Variants in COL1A2 observed in about 807,000 individuals in gnomAD.
COL1A2 encodes the protein collagen type I alpha 2 chain.
COL1A2 carries 49 observed loss-of-function variants against 174.3 expected under a neutral mutation model. That is an observed-to-expected ratio of 0.28 (90% CI 0.22 to 0.36). The LOEUF (loss-of-function observed/expected upper bound fraction) is 0.36, where lower values mean the gene tolerates loss of function less well. COL1A2 is among the 10% of genes least tolerant of loss of function. The pLI is 1.00. For missense variants in COL1A2, 1,438 were observed against 1,822.7 expected (o/e 0.79, Z 3.84); for synonymous variants, 655 against 606.6 (o/e 1.08, Z -1.17).
chr7:94,414,085 A>G lies in COL1A2; in HGVS notation c.1666-137A>G, dbSNP rs191971288. The G allele has an allele frequency of 1.6e-5, 22 of 1,333,592 alleles. No homozygotes were observed. In the African/African-American group the frequency reaches 3.2e-4, roughly 19 times the overall value. 82.6% of individuals were successfully genotyped at this position (1,333,592 alleles called of 1,614,324 possible). ...AAAGAAAGGTGCATTTTTTTCAAAC[A>G]AACTTTTGTGTAATGCTTAATAACA... is the stretch of plus-strand genomic sequence containing the variant. On this transcript the variant is annotated intron_variant, in intron 28 of 51. Transcript: ENST00000297268.
In COL1A2 at chr7:94,430,806, A is replaced by G. The variant is rs771498875; in HGVS notation, c.*413A>G. ...ACACTTTCCCATGAGTGTGATCCAC[A>G]TTGTTAGGTGCTGACCTAGACAGAG... On this transcript the variant is annotated 3_prime_UTR_variant, in exon 52 of 52. Coordinates refer to ENST00000297268, the MANE Select transcript of COL1A2 (RefSeq NM_000089.4). 1 of 228,192 alleles carries G rather than the reference A, an allele frequency of 4.4e-6. No homozygotes were observed. Among genetic ancestry groups the G allele is most frequent in the Non-Finnish European group, 8.7e-6 (1 of 115,236 alleles). 14.1% of individuals were successfully genotyped at this position (228,192 alleles called of 1,614,324 possible).
intron 15 of COL1A2, 104 bp downstream of exon 15, chr7:94,408,484 C>T: frequency 7.3e-7 from 1 of 1,363,516 alleles, no homozygotes; most frequent in South Asian, 1.2e-5. Context: ...GACACTTTAC[C>T]AAATGTTCTG....
intron 1 of COL1A2, chr7:94,395,354 C>T (rs1488638757): frequency 9.2e-6 from 5 of 544,942 alleles, no homozygotes; most frequent in African/African-American, 3.8e-5. Flanking sequence ...CGGTCTGGCT[C>T]CTCAGCTTAG....
chr7:94,406,040 C>T (rs1404556561), intron 11 of COL1A2, among the ~76,000 whole-genome samples: 1 of 152,156 alleles, frequency 6.6e-6, no homozygotes, highest in Admixed American at 6.5e-5. Flanking sequence ...AACACCTAGT[C>T]CTCCATCCTT....
In COL1A2 at chr7:94,429,365, G is replaced by A; in HGVS notation, c.3889G>A (p.Asp1297Asn). 1.9e-6 allele frequency: 3 copies of A among 1,614,010 alleles called. No homozygotes were observed. The highest frequency in any genetic ancestry group is 2.5e-6 in the Non-Finnish European group (3 of 1,179,946). ...KKAVILQGSN[D>N]VELVAEGNSR... ...GGCTGTCATTCTACAGGGCTCTAATGATGTTGAACTTGTTGCTGAGGGCAA... is the reference window on the plus strand; with the variant it reads ...GGCTGTCATTCTACAGGGCTCTAATAATGTTGAACTTGTTGCTGAGGGCAA... Residue 1297 changes from aspartate to asparagine, a missense_variant, in exon 51 of 52, where the codon GAT becomes AAT. Transcript: ENST00000297268.
chr7:94,423,317 G>A, intron 40 of COL1A2, 199 bp downstream of exon 40: 1 of 622,812 alleles, frequency 1.6e-6, no homozygotes, highest in Non-Finnish European at 2.8e-6. Flanking sequence ...AAATCGGGAA[G>A]ACAATAAATG....
intron 2 of COL1A2, 54 bp downstream of exon 2, chr7:94,397,812 A>C (rs1233265138): frequency 2.9e-6 from 3 of 1,029,656 alleles, no homozygotes; most frequent in Admixed American, 3.9e-5. Context: ...CCTTGGCTAC[A>C]GTGATGTCTT....
At chr7:94,408,637 T>C in intron 15 of COL1A2, 133 bp from the exon 16 acceptor site, 1 of 1,029,830 alleles carries the variant, frequency 9.7e-7, no homozygotes, top group Non-Finnish European at 1.5e-6. Context: ...GACAACAGAC[T>C]GGTTGTCAGT....
chr7:94,429,452 G>T (rs1792355563), intron 51 of COL1A2, 22 bp downstream of exon 51: 1 of 1,613,090 alleles, frequency 6.2e-7, no homozygotes. Context: ...TGAAATATGG[G>T]AATAGCTTTG....
intron 13 of COL1A2, 92 bp from the exon 14 acceptor site, chr7:94,408,091 T>C: frequency 7.2e-7 from 1 of 1,387,668 alleles, no homozygotes; most frequent in South Asian, 1.2e-5. Context: ...AGTGTATTCT[T>C]GTACAGGTTG....
intron 50 of COL1A2, 79 bp from the exon 51 acceptor site, chr7:94,429,109 T>C (rs116969444): frequency 0.015 from 5,991 of 387,504 alleles, 85 homozygotes; most frequent in East Asian, 0.027. Context: ...TTTTTTTTTC[T>C]TTTTTTTTTT....
Position 94,427,650 on chromosome 7 carries a change from T to C in COL1A2, c.3291T>C (p.Pro1097=). The change falls in exon 49 of 52, where the codon CCT becomes CCC. Residue 1097 remains proline, a synonymous_variant. Transcript: ENST00000297268. ...AGGGCCCCCCTGGTCCCCCTGGCCC[T>C]CCTGGACCTCCAGGTGTAAGCGGTG... ...GPAGPPGPPG[P]PGPPGVSGGG... is the part of the protein sequence containing the mutation. 6.2e-7 allele frequency: 1 copy of C among 1,614,150 alleles called. No individual in the cohort carries two copies. The highest frequency in any genetic ancestry group is 8.5e-7 in the Non-Finnish European group (1 of 1,180,024).
At chr7:94,399,696 T>G (rs896367934) in intron 4 of COL1A2, among the ~76,000 whole-genome samples, 1 of 152,234 alleles carries the variant, frequency 6.6e-6, no homozygotes, top group African/African-American at 2.4e-5. Context: ...TTAAATCAGT[T>G]AATTATTTTA....
chr7:94,427,223 T>C lies in COL1A2; in HGVS notation c.3195T>C (p.Asp1065=), dbSNP rs765992994. The stretch of plus-strand genomic sequence containing the variant: ...GTCCTTCTGGCCCTGCTGGAAAAGA[T>C]GGTCGCACTGGACATCCTGGTACAG... ...PAGPSGPAGK[D]GRTGHPGTVG... Residue 1065 remains aspartate (D), a synonymous_variant, in exon 48 of 52, where the codon GAT becomes GAC. Coordinates refer to ENST00000297268, the MANE Select transcript of COL1A2 (RefSeq NM_000089.4). 3.7e-6 allele frequency: 6 copies of C among 1,613,810 alleles called. No individual in the cohort carries two copies. The African/African-American group carries it at 4.0e-5, about 11-fold the overall frequency.
intron 45 of COL1A2, 51 bp from the exon 46 acceptor site, chr7:94,426,372 T>C: frequency 6.8e-7 from 1 of 1,471,800 alleles, no homozygotes; most frequent in Non-Finnish European, 9.3e-7. Flanking sequence ...GTGAAGTGAG[T>C]GCCATTTTTT....
rs1562906019 is a variant in COL1A2 at position 94,422,980 on chromosome 7, C to T, written c.2427C>T (p.Pro809=). 1.1e-5 allele frequency: 17 copies of T among 1,614,084 alleles called. No homozygotes were observed. Among genetic ancestry groups the T allele is most frequent in the Non-Finnish European group, 1.4e-5 (16 of 1,179,990 alleles). ...AGGGTATTTCTGGCCCTCCTGGTCC[C>T]CCTGGTCCTGCTGGGAAAGAAGGGC... ...GPSGISGPPG[P]PGPAGKEGLR... The change falls in exon 40 of 52, where the codon CCC becomes CCT. Residue 809 remains proline, a synonymous_variant. Transcript: ENST00000297268.
rs368844122 is a variant in COL1A2, at chr7:94,424,450, G to A, written c.2673+7G>A. 4 of 1,611,956 alleles carry A rather than the reference G, an allele frequency of 2.5e-6. No individual in the cohort carries two copies. Among genetic ancestry groups the A allele is most frequent in the Non-Finnish European group, 1.7e-6 (2 of 1,178,102 alleles). ...AGGTGTTGCTGGTGCTGTGGTGAGTGCTTGACAGTATTCTGACTCCATTAA... is the reference window on the plus strand; with the variant it reads ...AGGTGTTGCTGGTGCTGTGGTGAGTACTTGACAGTATTCTGACTCCATTAA... On this transcript the variant is annotated splice_region_variant and intron_variant, in intron 41 of 51. Coordinates refer to ENST00000297268, the MANE Select transcript of COL1A2 (RefSeq NM_000089.4).
chr7:94,414,776 C>T (rs191707964), intron 29 of COL1A2, among the ~76,000 whole-genome samples: 1 of 152,108 alleles, frequency 6.6e-6, no homozygotes, highest in Non-Finnish European at 1.5e-5. Context: ...CCTTTGTCAA[C>T]AGTAGGACAT....
chr7:94,423,388 G>A, intron 40 of COL1A2: 1 of 460,918 alleles, frequency 2.2e-6, no homozygotes, highest in South Asian at 2.1e-5. Flanking sequence ...CTGGTACCAG[G>A]ATTAGAACAG....
Sources: gnomAD v4.1 joint callset for allele counts (sites outside exome capture counted in the v4.1 genomes callset) on GRCh38, gnomAD v4.1.1 for gene constraint, MANE v1.5 for transcripts, NCBI Gene and HGNC (gene_info 2026-07-23, HGNC 2026-07-21) for gene names.